The following KIT variants were observed in gnomAD, a reference collection of about 807,000 sequenced individuals.
KIT encodes the protein mast/stem cell growth factor receptor Kit.
In KIT, 16 loss-of-function variants were observed where a neutral mutation model predicts 105.7. The observed-to-expected ratio is 0.15, with a 90% confidence interval of 0.10 to 0.23. The LOEUF (loss-of-function observed/expected upper bound fraction) is 0.23, where lower values mean the gene tolerates loss of function less well. Among genes scored for constraint, KIT ranks in the 10% least tolerant of loss-of-function variants. KIT has a pLI of 1.00. For missense variants in KIT, 858 were observed against 1,213.8 expected, an observed-to-expected ratio of 0.71 and a Z score of 4.36; for synonymous variants, 438 against 441.1, an observed-to-expected ratio of 0.99 and a Z score of 0.09.
intron 4 of KIT, among the ~76,000 whole-genome samples, chr4:54,702,749 G>T (rs1000669760): frequency 1.3e-5 from 2 of 152,214 alleles, no homozygotes; most frequent in East Asian, 1.9e-4. Context: ...TGATCAGAGG[G>T]TATGAACATC....
chr4:54,687,749 A>G (rs1206015721), intron 1 of KIT, among the ~76,000 whole-genome samples: 2 of 152,034 alleles, frequency 1.3e-5, no homozygotes, highest in South Asian at 2.1e-4. Flanking sequence ...TTTTCCTTGA[A>G]TACACATAGA....
In KIT at chr4:54,693,580, A is replaced by G. The variant is rs10452281; in HGVS notation, c.68-1932A>G. The stretch of plus-strand genomic sequence containing the variant: ...ACTGGCCAGGTTGTACCTGTGAGCA[A>G]ATTACACCTCTCACGTCCCCTCCCC... On this transcript the variant is annotated intron_variant, in intron 1 of 20. Transcript: ENST00000288135. 1.5e-3 allele frequency among the ~76,000 whole-genome samples: 230 copies of G among 152,244 alleles called. 1 individual carries two copies. Among genetic ancestry groups the G allele is most frequent in the Non-Finnish European group, 2.3e-3 (156 of 68,008 alleles).
Position 54,698,571 on chromosome 4 carries a change from G to T in KIT, c.619+6G>T. The T allele has an allele frequency of 6.2e-7, 1 of 1,613,984 alleles. No homozygotes were observed. The highest frequency in any genetic ancestry group is 1.1e-5 in the South Asian group (1 of 91,066). ...CATCCTGAAAGTGAGGCCAGGTACT[G>T]GCTCTTTCTTATCTGCCTCTGGGAG... On this transcript the variant is annotated splice_donor_region_variant and intron_variant, in intron 3 of 20. Transcript: ENST00000288135.
At position 54,709,407 on chromosome 4, in the gene KIT, T is replaced by C. The variant is rs745626921; in HGVS notation, c.1116-17T>C. Reference sequence around the variant, plus strand: ...ATGCTATCCACAGGTGATTGACTAGTTGTCTTTTCTTTGTAGATACGTAAG... The same window carrying C: ...ATGCTATCCACAGGTGATTGACTAGCTGTCTTTTCTTTGTAGATACGTAAG... On this transcript the variant is annotated splice_polypyrimidine_tract_variant and intron_variant, in intron 6 of 20. Coordinates refer to ENST00000288135, the MANE Select transcript of KIT (RefSeq NM_000222.3). The C allele has an allele frequency of 5.4e-6, 8 of 1,490,042 alleles. No homozygotes were observed. The East Asian group carries it at 1.6e-4, about 29-fold the overall frequency. 92.3% of individuals were successfully genotyped at this position (1,490,042 alleles called of 1,614,324 possible).
intron 3 of KIT, 71 bp downstream of exon 3, chr4:54,698,636 T>C: frequency 6.6e-7 from 1 of 1,518,138 alleles, no homozygotes; most frequent in Non-Finnish European, 9.1e-7. Context: ...CTCTTCTCGT[T>C]GATCCACCTT....
chr4:54,738,590 A>G lies in KIT; in HGVS notation c.*33A>G. On this transcript the variant is annotated 3_prime_UTR_variant, in exon 21 of 21. Coordinates refer to ENST00000288135, the MANE Select transcript of KIT (RefSeq NM_000222.3). Reference sequence around the variant, plus strand: ...CAGTGTTTGGGTCACCCCTCCAGGAATGATCTCTTCTTTTGGCTTCCATGA... The same window carrying G: ...CAGTGTTTGGGTCACCCCTCCAGGAGTGATCTCTTCTTTTGGCTTCCATGA... 6.2e-7 allele frequency: 1 copy of G among 1,612,472 alleles called. No homozygotes were observed. The highest frequency in any genetic ancestry group is 8.5e-7 in the Non-Finnish European group (1 of 1,179,778).
intron 6 of KIT, 48 bp downstream of exon 6, chr4:54,707,335 C>A: frequency 7.7e-7 from 1 of 1,292,776 alleles, no homozygotes; most frequent in Non-Finnish European, 1.1e-6. Flanking sequence ...CCCCCTTTTC[C>A]AGTGGGCTTA....
intron 7 of KIT, among the ~76,000 whole-genome samples, chr4:54,721,628 A>G (rs939823333): frequency 2.1e-4 from 32 of 152,114 alleles, no homozygotes; most frequent in African/African-American, 7.7e-4. Flanking sequence ...ATGCATGTGG[A>G]TACTCTGATC....
intron 8 of KIT, among the ~76,000 whole-genome samples, chr4:54,724,016 G>A (rs1722063602): frequency 6.6e-6 from 1 of 152,192 alleles, no homozygotes; most frequent in Non-Finnish European, 1.5e-5. Context: ...TCTATACACA[G>A]GAGGTAATGT....
chr4:54,660,096 C>T (rs1394469961), intron 1 of KIT, among the ~76,000 whole-genome samples: 1 of 151,804 alleles, frequency 6.6e-6, no homozygotes, highest in Non-Finnish European at 1.5e-5. Context: ...AGTGTAGACT[C>T]AGCACTCTTT....
chr4:54,713,791 T>G (rs1450333024), intron 7 of KIT, among the ~76,000 whole-genome samples: 5 of 152,210 alleles, frequency 3.3e-5, no homozygotes, highest in Non-Finnish European at 7.3e-5. Flanking sequence ...TTTTAAAAAA[T>G]ATTGTGCTCT....
At position 54,657,972 on chromosome 4, in the gene KIT, C is replaced by G. The variant is rs757006597; in HGVS notation, c.-43C>G. 4 of 1,602,292 alleles carry G rather than the reference C, an allele frequency of 2.5e-6. No individual in the cohort carries two copies. Among genetic ancestry groups the G allele is most frequent in the Non-Finnish European group, 8.5e-7 (1 of 1,170,936 alleles). ...CGCGCTCGCTGCACTTGGGCGAGAGCTGGAACGTGGACCAGAGCTCGGATC... is the reference window on the plus strand; with the variant it reads ...CGCGCTCGCTGCACTTGGGCGAGAGGTGGAACGTGGACCAGAGCTCGGATC... On this transcript the variant is annotated 5_prime_UTR_variant, in exon 1 of 21. Coordinates refer to ENST00000288135, the MANE Select transcript of KIT (RefSeq NM_000222.3).
intron 1 of KIT, among the ~76,000 whole-genome samples, chr4:54,689,389 A>G (rs1719539111): frequency 6.6e-6 from 1 of 152,240 alleles, no homozygotes; most frequent in South Asian, 2.1e-4. Context: ...GAAGAACTTA[A>G]TAGTATTGGA....
chr4:54,726,282 C>G (rs1722212317), intron 9 of KIT, among the ~76,000 whole-genome samples: 3 of 152,036 alleles, frequency 2.0e-5, no homozygotes, highest in Admixed American at 2.0e-4. Context: ...ATGTGTGTCT[C>G]TATTAGTTGT....
chr4:54,688,542 A>G (rs1276081198), intron 1 of KIT, among the ~76,000 whole-genome samples: 1 of 152,166 alleles, frequency 6.6e-6, no homozygotes, highest in African/African-American at 2.4e-5. Context: ...GCAGCTATCA[A>G]TCCAGTTGTT....
intron 5 of KIT, among the ~76,000 whole-genome samples, chr4:54,705,131 A>G (rs1156452232): frequency 1.3e-5 from 2 of 152,240 alleles, no homozygotes; most frequent in Non-Finnish European, 2.9e-5. Context: ...ATTAGGGAGC[A>G]TGTTGATATA....
intron 17 of KIT, among the ~76,000 whole-genome samples, chr4:54,735,146 A>G (rs1159314149): frequency 6.6e-6 from 1 of 152,078 alleles, no homozygotes; most frequent in Non-Finnish European, 1.5e-5. Flanking sequence ...GCGTTTTATC[A>G]CCTTTGTTAG....
chr4:54,705,511 A>G (rs887325774), intron 5 of KIT, among the ~76,000 whole-genome samples: 1 of 152,212 alleles, frequency 6.6e-6, no homozygotes, highest in Non-Finnish European at 1.5e-5. Context: ...GAATATTACT[A>G]TAGTGAAGCA....
In KIT at chr4:54,736,532, G is replaced by A. The variant is rs766430859; in HGVS notation, c.2519G>A (p.Ser840Asn). ...CCTGTGAAGTGGATGGCACCTGAAA[G>A]CATTTTCAACTGTGTATACACGTTT... ...RLPVKWMAPE[S>N]IFNCVYTFES... Residue 840 changes from serine (S) to asparagine (N), a missense_variant, in exon 18 of 21, where the codon AGC becomes AAC. Ser to Asn is a conservative substitution (Grantham distance 46). Coordinates refer to ENST00000288135, the MANE Select transcript of KIT (RefSeq NM_000222.3). The A allele has an allele frequency of 6.2e-6, 10 of 1,613,950 alleles. No individual in the cohort carries two copies.
Sources: allele counts gnomAD v4.1 joint callset (sites outside exome capture counted in the v4.1 genomes callset), GRCh38; gene constraint gnomAD v4.1.1; transcripts MANE v1.5; gene names NCBI Gene and HGNC (gene_info 2026-07-23, HGNC 2026-07-21).